The following SETBP1 variants were observed in gnomAD, a reference collection of about 807,000 sequenced individuals.
The protein encoded by SETBP1 is SET-binding protein.
Under a neutral mutation model 101.0 loss-of-function variants are expected in SETBP1, and 9 were observed. That is an observed-to-expected ratio of 0.09 (90% CI 0.05 to 0.16). The LOEUF is 0.16. SETBP1 is among the 10% of genes least tolerant of loss of function. The pLI is 1.00. For missense variants in SETBP1, 1,858 were observed against 2,033.8 expected (o/e 0.91, Z 1.66); for synonymous variants, 818 against 788.5 (o/e 1.04, Z -0.63).
chr18:44,701,391 C>A lies in SETBP1; in HGVS notation c.45C>A (p.Gly15=). 2 of 1,550,816 alleles carry A rather than the reference C, an allele frequency of 1.3e-6. No homozygotes were observed. Among genetic ancestry groups the A allele is most frequent in the Non-Finnish European group, 1.7e-6 (2 of 1,145,822 alleles). The change falls in exon 2 of 6, where the codon GGC becomes GGA. Residue 15 remains glycine, a synonymous_variant. Coordinates refer to ENST00000649279, the MANE Select transcript of SETBP1 (RefSeq NM_015559.3). ...TAAGCAGCTCCCGGCAAAGAGGGGG[C>A]GAGTCAGACTTCCTGCCGGTCTCCT... ...ETLSSSRQRG[G]ESDFLPVSSA...
chr18:45,000,876 C>T (rs139930961), intron 4 of SETBP1, among the ~76,000 whole-genome samples: 9 of 151,152 alleles, frequency 6.0e-5, no homozygotes, highest in South Asian at 2.1e-4. Context: ...TTTTTGTCGC[C>T]TTAAAAGCAG....
intron 2 of SETBP1, among the ~76,000 whole-genome samples, chr18:44,804,975 G>A (rs141845372): frequency 2.0e-5 from 3 of 152,230 alleles, no homozygotes; most frequent in Non-Finnish European, 4.4e-5. Flanking sequence ...CATAAACGAT[G>A]ATGGGAAATT....
chr18:44,809,041 G>A (rs558902547), intron 2 of SETBP1, among the ~76,000 whole-genome samples: 1 of 152,318 alleles, frequency 6.6e-6, no homozygotes, highest in African/African-American at 2.4e-5. Context: ...TCTTTTCCCA[G>A]TGAGAATAGT....
chr18:45,030,270 A>C (rs1284706517), intron 4 of SETBP1, among the ~76,000 whole-genome samples: 1 of 120,404 alleles, frequency 8.3e-6, no homozygotes, highest in Non-Finnish European at 1.7e-5. Context: ...TGAGATAATC[A>C]TGTGGTTTTT....
rs543840365 is a variant in SETBP1 at position 44,928,462 on chromosome 18, G to C, written c.541-21419G>C. Among the ~76,000 whole-genome samples, 8 of 152,332 alleles carry C rather than the reference G, an allele frequency of 5.3e-5. No individual in the cohort carries two copies. The South Asian group carries it at 1.7e-3, about 32-fold the overall frequency. ...ATATACCCAGTAATGGGATGGCAAG[G>C]TCAAATGGTATTTCTAGTTCTAGAT... On this transcript the variant is annotated intron_variant, in intron 3 of 5. Transcript: ENST00000649279.
At chr18:44,712,131 A>G (rs1260971510) in intron 2 of SETBP1, among the ~76,000 whole-genome samples, 2 of 152,158 alleles carry the variant, frequency 1.3e-5, no homozygotes, top group East Asian at 3.9e-4. Context: ...TTAGTATCAA[A>G]TGCAGGTTGC....
At chr18:44,743,651 T>C (rs2070150485) in intron 2 of SETBP1, among the ~76,000 whole-genome samples, 1 of 152,164 alleles carries the variant, frequency 6.6e-6, no homozygotes, top group African/African-American at 2.4e-5. Context: ...AGAAAATAGC[T>C]CTGTGGCTAA....
intron 2 of SETBP1, among the ~76,000 whole-genome samples, chr18:44,720,035 G>C (rs927522816): frequency 6.6e-6 from 1 of 152,182 alleles, no homozygotes; most frequent in Admixed American, 6.5e-5. Context: ...AGAGGGTGGC[G>C]CGCATTGGTT....
At chr18:44,732,042 G>A (rs972642609) in intron 2 of SETBP1, among the ~76,000 whole-genome samples, 1 of 152,138 alleles carries the variant, frequency 6.6e-6, no homozygotes, top group Admixed American at 6.5e-5. Flanking sequence ...TGTGTGAGGT[G>A]CATGTTCTCA....
intron 4 of SETBP1, among the ~76,000 whole-genome samples, chr18:44,977,460 G>A (rs1032061607): frequency 2.0e-5 from 3 of 152,226 alleles, no homozygotes; most frequent in Admixed American, 6.5e-5. Context: ...GAGGGACCAC[G>A]AGTGGGGAAA....
chr18:44,875,527 C>CAAAAG (rs2069381004), intron 3 of SETBP1, among the ~76,000 whole-genome samples: 1 of 61,610 alleles, frequency 1.6e-5, no homozygotes, highest in Non-Finnish European at 2.7e-5. Flanking sequence ...GACTCCATCT[C>CAAAAG]AAAAAAAAAA....
intron 4 of SETBP1, among the ~76,000 whole-genome samples, chr18:44,992,164 A>T (rs1015418906): frequency 2.0e-5 from 3 of 152,156 alleles, no homozygotes; most frequent in Admixed American, 6.5e-5. Flanking sequence ...AAAGGCTAAA[A>T]CAAGAAAGGC....
At chr18:45,039,242 G>A (rs2073461329) in intron 5 of SETBP1, among the ~76,000 whole-genome samples, 1 of 152,176 alleles carries the variant, frequency 6.6e-6, no homozygotes. Context: ...CTCACCAACA[G>A]TGGATAAAAT....
chr18:45,053,255 T>C (rs967473620), intron 5 of SETBP1, among the ~76,000 whole-genome samples: 4 of 152,176 alleles, frequency 2.6e-5, no homozygotes, highest in African/African-American at 7.2e-5. Flanking sequence ...ATCAGTTCAA[T>C]TCTAGGCACT....
intron 3 of SETBP1, chr18:44,876,516 G>A: frequency 7.4e-7 from 1 of 1,355,176 alleles, no homozygotes; most frequent in Non-Finnish European, 1.0e-6. Flanking sequence ...CTGGATATTG[G>A]TATTTTCAGA....
At chr18:44,909,668 T>C (rs1373475226) in intron 3 of SETBP1, among the ~76,000 whole-genome samples, 1 of 152,244 alleles carries the variant, frequency 6.6e-6, no homozygotes, top group East Asian at 1.9e-4. Flanking sequence ...GACCTTATGC[T>C]ATGCATTACC....
rs9954058 is a variant in SETBP1 at position 44,831,838 on chromosome 18, G to A, written c.487-37392G>A. On this transcript the variant is annotated intron_variant, in intron 2 of 5. Coordinates refer to ENST00000649279, the MANE Select transcript of SETBP1 (RefSeq NM_015559.3). ...ACTGATTGTAACAGATTTTAAATCC[G>A]CCCATGACCTGCCCTCCCATTCACT... Among the ~76,000 whole-genome samples the A allele has an allele frequency of 2.6e-5, 4 of 151,970 alleles. No individual in the cohort carries two copies. Among genetic ancestry groups the A allele is most frequent in the Non-Finnish European group, 4.4e-5 (3 of 68,004 alleles).
At chr18:44,995,160 G>A (rs1351811460) in intron 4 of SETBP1, among the ~76,000 whole-genome samples, 6 of 33,352 alleles carry the variant, frequency 1.8e-4, no homozygotes, top group Admixed American at 1.4e-3. Flanking sequence ...TTTTTTTTTT[G>A]AGATGGAGTC....
intron 1 of SETBP1, among the ~76,000 whole-genome samples, chr18:44,695,345 T>G (rs527391334): frequency 2.4e-4 from 37 of 152,084 alleles, no homozygotes; most frequent in Non-Finnish European, 4.9e-4. Flanking sequence ...TCCAGGAAAA[T>G]TAAAGGGAGA....
Sources: gnomAD v4.1 joint callset for allele counts (sites outside exome capture counted in the v4.1 genomes callset) on GRCh38, gnomAD v4.1.1 for gene constraint, MANE v1.5 for transcripts, NCBI Gene and HGNC (gene_info 2026-07-23, HGNC 2026-07-21) for gene names.